Variants in PXDNL observed in about 807,000 individuals in gnomAD.
PXDNL encodes the protein probable oxidoreductase PXDNL.
PXDNL carries 145 observed loss-of-function variants against 150.8 expected under a neutral mutation model. The ratio of observed to expected loss-of-function variants is 0.96; its 90% CI spans 0.84 to 1.10. The LOEUF is 1.10. Ranked by LOEUF, PXDNL falls within the 50% of genes least tolerant of loss-of-function variation. The pLI is 0.00. For synonymous variants in PXDNL, 757 were observed against 725.7 expected (o/e 1.04, Z -0.69); for missense variants, 2,087 against 1,873.9 (o/e 1.11, Z -2.10).
At chr8:51,725,690 T>TAAG (rs1012368068) in intron 1 of PXDNL, among the ~76,000 whole-genome samples, 6 of 152,328 alleles carry the variant, frequency 3.9e-5, no homozygotes, top group African/African-American at 1.4e-4. Context: ...GCATGAATTA[T>TAAG]AAGTCCTGGG....
chr8:51,531,325 G>A (rs911502180), intron 4 of PXDNL, among the ~76,000 whole-genome samples: 6 of 152,266 alleles, frequency 3.9e-5, no homozygotes, highest in East Asian at 3.9e-4. Flanking sequence ...GTTCTCTAAC[G>A]AGTCTTTGCT....
At chr8:51,666,132 C>T (rs1433258723) in intron 1 of PXDNL, among the ~76,000 whole-genome samples, 1 of 152,224 alleles carries the variant, frequency 6.6e-6, no homozygotes, top group Non-Finnish European at 1.5e-5. Flanking sequence ...GCCTACGTCA[C>T]CTCTGAACTC....
chr8:51,362,441 A>AG (rs1489347819), intron 19 of PXDNL, among the ~76,000 whole-genome samples: 1 of 152,256 alleles, frequency 6.6e-6, no homozygotes, highest in Non-Finnish European at 1.5e-5. Flanking sequence ...ACATTTATAA[A>AG]GGAAATCTCC....
intron 3 of PXDNL, among the ~76,000 whole-genome samples, chr8:51,577,999 G>GGAAGGA (rs67326526): frequency 1.1e-3 from 34 of 31,422 alleles, no homozygotes; most frequent in South Asian, 3.6e-3. Flanking sequence ...AAGAAAGAAA[G>GGAAGGA]AGGAAGGAAG....
At chr8:51,344,119 G>C (rs1806072251) in intron 20 of PXDNL, among the ~76,000 whole-genome samples, 1 of 151,766 alleles carries the variant, frequency 6.6e-6, no homozygotes, top group African/African-American at 2.4e-5. Context: ...TTTTTATAGA[G>C]GTCTATAGAC....
intron 3 of PXDNL, among the ~76,000 whole-genome samples, chr8:51,579,464 T>G (rs1335010649): frequency 6.6e-6 from 1 of 151,988 alleles, no homozygotes; most frequent in East Asian, 1.9e-4. Context: ...TTGGCAGGGG[T>G]ACAGAGAAAC....
chr8:51,643,276 T>C (rs1464243740), intron 2 of PXDNL, among the ~76,000 whole-genome samples: 1 of 152,200 alleles, frequency 6.6e-6, no homozygotes, highest in Non-Finnish European at 1.5e-5. Flanking sequence ...GGCATCACCC[T>C]ACCTGACTTC....
intron 4 of PXDNL, among the ~76,000 whole-genome samples, chr8:51,526,541 G>A (rs79270259): frequency 0.031 from 4,665 of 152,126 alleles, 218 homozygotes; most frequent in African/African-American, 0.11. Context: ...AAAAGCTAAG[G>A]AGAGCTATTT....
chr8:51,466,361 C>A (rs547447784), intron 8 of PXDNL, among the ~76,000 whole-genome samples: 29 of 152,144 alleles, frequency 1.9e-4, no homozygotes, highest in African/African-American at 6.5e-4. Flanking sequence ...AAAGATGAAA[C>A]GAGACCCCTA....
At chr8:51,626,328 C>T (rs892062358) in intron 2 of PXDNL, among the ~76,000 whole-genome samples, 12 of 152,142 alleles carry the variant, frequency 7.9e-5, no homozygotes, top group African/African-American at 2.2e-4. Context: ...ATAAAAACTA[C>T]AGTTTGGTTA....
intron 1 of PXDNL, among the ~76,000 whole-genome samples, chr8:51,697,518 C>T (rs1031085906): frequency 2.6e-5 from 4 of 152,140 alleles, no homozygotes; most frequent in Admixed American, 6.5e-5. Context: ...GGCCACAGTT[C>T]CCAGTCAAGG....
chr8:51,504,281 A>C (rs1204922781), intron 4 of PXDNL, among the ~76,000 whole-genome samples: 1 of 152,176 alleles, frequency 6.6e-6, no homozygotes, highest in East Asian at 1.9e-4. Flanking sequence ...TTCTATAGAA[A>C]TAAAGACAGA....
intron 3 of PXDNL, among the ~76,000 whole-genome samples, chr8:51,566,954 C>T (rs750122853): frequency 2.6e-5 from 4 of 151,628 alleles, no homozygotes; most frequent in Non-Finnish European, 5.9e-5. Flanking sequence ...GCTTTAACTG[C>T]ATCCCGCGAA....
At chr8:51,631,722 T>G (rs1476042151) in intron 2 of PXDNL, among the ~76,000 whole-genome samples, 1 of 152,112 alleles carries the variant, frequency 6.6e-6, no homozygotes, top group East Asian at 1.9e-4. Flanking sequence ...AGCTATAAAT[T>G]TATGTTCACA....
intron 1 of PXDNL, among the ~76,000 whole-genome samples, chr8:51,756,794 G>GT (rs1006464401): frequency 1.9e-4 from 27 of 145,712 alleles, no homozygotes; most frequent in African/African-American, 2.5e-4. Flanking sequence ...GTTTTAATTT[G>GT]TTTTTTTTTA....
At chr8:51,456,200 G>C (rs1809934696) in intron 9 of PXDNL, among the ~76,000 whole-genome samples, 1 of 152,130 alleles carries the variant, frequency 6.6e-6, no homozygotes, top group African/African-American at 2.4e-5. Context: ...GTAGCGTCAT[G>C]AATACCCTGA....
intron 5 of PXDNL, among the ~76,000 whole-genome samples, chr8:51,491,031 C>T (rs551669265): frequency 8.1e-4 from 123 of 152,050 alleles, no homozygotes; most frequent in Admixed American, 4.3e-3. Context: ...AATCAGCTGC[C>T]GGCGTGGCCA....
chr8:51,448,165 C>G (rs902116501), intron 11 of PXDNL, among the ~76,000 whole-genome samples: 8 of 152,234 alleles, frequency 5.3e-5, no homozygotes, highest in African/African-American at 1.9e-4. Context: ...CCCGGAGGAA[C>G]CTTAGACAAG....
At chr8:51,334,115 G>GATTGATATGAAATCAATCATAT (rs1269408392) in intron 21 of PXDNL, among the ~76,000 whole-genome samples, 1 of 151,540 alleles carries the variant, frequency 6.6e-6, no homozygotes, top group Admixed American at 6.6e-5. Context: ...ATCATATCAA[G>GATTGATATGAAATCAATCATAT]CATTCTCGCA....
Sources: allele counts gnomAD v4.1 joint callset (sites outside exome capture counted in the v4.1 genomes callset), GRCh38; gene constraint gnomAD v4.1.1; transcripts MANE v1.5; gene names NCBI Gene and HGNC (gene_info 2026-07-23, HGNC 2026-07-21).